The following HERC4 variants were observed in gnomAD, a reference collection of about 807,000 sequenced individuals.
The protein encoded by HERC4 is HECT and RLD domain containing E3 ubiquitin protein ligase 4, also known as probable E3 ubiquitin-protein ligase HERC4.
A neutral mutation model predicts 124.3 loss-of-function variants in HERC4; 28 were observed. That is an observed-to-expected ratio of 0.23 (90% CI 0.17 to 0.31). HERC4 has a LOEUF of 0.31. Among genes scored for constraint, HERC4 ranks in the 10% least tolerant of loss-of-function variants. The probability of loss-of-function intolerance (pLI) is 1.00; values close to 1 mark genes in which losing one functional copy is unlikely to be tolerated. For missense variants in HERC4, 713 were observed against 1,229.3 expected (o/e 0.58, Z 6.28); for synonymous variants, 407 against 421.5 (o/e 0.97, Z 0.42).
intron 7 of HERC4, among the ~76,000 whole-genome samples, chr10:68,026,913 C>T (rs1564564646): frequency 6.6e-6 from 1 of 151,916 alleles, no homozygotes; most frequent in African/African-American, 2.4e-5. Context: ...GAGGCAGAAT[C>T]GCTTGAACCC....
chr10:67,965,789 A>ATTAAATTACC, intron 16 of HERC4: 1 of 152,248 alleles, frequency 6.6e-6, no homozygotes, highest in South Asian at 2.1e-4. Context: ...CTGCACACAT[A>ATTAAATTACC]TTAAATTACC....
chr10:67,928,156 A>T (rs1165251495), intron 23 of HERC4, among the ~76,000 whole-genome samples: 1 of 152,136 alleles, frequency 6.6e-6, no homozygotes, highest in African/African-American at 2.4e-5. Context: ...TAGGCTCAGC[A>T]GAGGTTAATA....
rs185527521 is a variant in HERC4 at position 68,012,850 on chromosome 10, G to A, written c.1069+1176C>T. 9.2e-5 allele frequency among the ~76,000 whole-genome samples: 14 copies of A among 152,104 alleles called. No individual in the cohort carries two copies. In the East Asian group the frequency reaches 1.2e-3, roughly 13 times the overall value. ...AAGCTTATAAGCTTTAGTAATTCTCGCAATATTTCAATATTTTTCATTATT... is the reference window on the plus strand; with the variant it reads ...AAGCTTATAAGCTTTAGTAATTCTCACAATATTTCAATATTTTTCATTATT... On this transcript the variant is annotated intron_variant, in intron 9 of 24. Transcript: ENST00000373700.
intron 3 of HERC4, chr10:68,070,701 T>G (rs987210730): frequency 6.6e-6 from 1 of 152,136 alleles, no homozygotes; most frequent in Non-Finnish European, 1.5e-5. Context: ...AACTACTACT[T>G]TTTGAACTTG....
intron 18 of HERC4, 93 bp from the exon 19 acceptor site, chr10:67,954,831 T>C: frequency 2.5e-6 from 3 of 1,217,830 alleles, no homozygotes; most frequent in Non-Finnish European, 2.2e-6. Flanking sequence ...ACTAATACTC[T>C]ACAATTAATA....
At chr10:67,982,295 G>A (rs1203239932) in intron 15 of HERC4, among the ~76,000 whole-genome samples, 1 of 151,114 alleles carries the variant, frequency 6.6e-6, no homozygotes, top group Non-Finnish European at 1.5e-5. Flanking sequence ...GAACAAATTT[G>A]TTTCTAGAGA....
chr10:67,961,468 G>A (rs2034515000), intron 16 of HERC4: 1 of 152,264 alleles, frequency 6.6e-6, no homozygotes, highest in Admixed American at 6.5e-5. Flanking sequence ...CTTGCCAAAT[G>A]TCATGGTGCT....
At chr10:67,974,355 C>G (rs1413690203) in intron 15 of HERC4, among the ~76,000 whole-genome samples, 1 of 152,036 alleles carries the variant, frequency 6.6e-6, no homozygotes, top group Non-Finnish European at 1.5e-5. Flanking sequence ...ACCAAAGAAA[C>G]AAATAAAGTT....
chr10:68,020,868 A>G (rs948796667), intron 8 of HERC4, among the ~76,000 whole-genome samples: 1 of 152,038 alleles, frequency 6.6e-6, no homozygotes, highest in African/African-American at 2.4e-5. Flanking sequence ...CAGAAGAAAA[A>G]TCAGCAAACG....
At chr10:68,051,289 A>G (rs1260652640) in intron 3 of HERC4, among the ~76,000 whole-genome samples, 2 of 151,908 alleles carry the variant, frequency 1.3e-5, no homozygotes, top group African/African-American at 2.4e-5. Context: ...AAGGTATGTT[A>G]TTTAAAAATA....
At chr10:68,059,497 T>TATATATAAC (rs1295917507) in intron 3 of HERC4, among the ~76,000 whole-genome samples, 15 of 128,676 alleles carry the variant, frequency 1.2e-4, no homozygotes, top group African/African-American at 3.7e-4. Flanking sequence ...ATTATAACAT[T>TATATATAAC]ATATATTATA....
intron 5 of HERC4, among the ~76,000 whole-genome samples, chr10:68,035,100 T>C (rs925599395): frequency 6.6e-6 from 1 of 151,902 alleles, no homozygotes. Flanking sequence ...CACTTAAAAG[T>C]AAGCTTCCTT....
chr10:67,967,468 T>C (rs1158402685), intron 15 of HERC4, among the ~76,000 whole-genome samples: 1 of 152,190 alleles, frequency 6.6e-6, no homozygotes, highest in Non-Finnish European at 1.5e-5. Flanking sequence ...CAGCTAATGC[T>C]TGTTAAGTGT....
At chr10:67,976,414 A>T (rs1171642598) in intron 15 of HERC4, among the ~76,000 whole-genome samples, 1 of 152,158 alleles carries the variant, frequency 6.6e-6, no homozygotes, top group African/African-American at 2.4e-5. Context: ...CTGACCTCTG[A>T]TATATATTTT....
chr10:67,974,183 A>G (rs2035442930), intron 15 of HERC4, among the ~76,000 whole-genome samples: 1 of 151,706 alleles, frequency 6.6e-6, no homozygotes, highest in African/African-American at 2.4e-5. Context: ...AGGACTGTCA[A>G]GTTACTCGAG....
intron 19 of HERC4, among the ~76,000 whole-genome samples, chr10:67,950,570 C>G (rs182018916): frequency 4.5e-4 from 68 of 152,104 alleles, no homozygotes; most frequent in Non-Finnish European, 7.9e-4. Flanking sequence ...GCCACCACAC[C>G]CAGCCCTACA....
At chr10:67,936,298 T>C (rs1285321422) in intron 21 of HERC4, 63 bp from the exon 22 acceptor site, 15 of 918,768 alleles carry the variant, frequency 1.6e-5, no homozygotes, top group African/African-American at 3.4e-5. Flanking sequence ...AATCTATTAT[T>C]ATATTCTACC....
chr10:68,071,032 A>G (rs1228465795), intron 3 of HERC4, among the ~76,000 whole-genome samples: 4 of 152,148 alleles, frequency 2.6e-5, no homozygotes, highest in Non-Finnish European at 5.9e-5. Flanking sequence ...CCCAGACTCT[A>G]AATTTCTCAA....
chr10:68,025,435 G>T, intron 8 of HERC4, 111 bp downstream of exon 8: 1 of 1,206,792 alleles, frequency 8.3e-7, no homozygotes, highest in Non-Finnish European at 1.1e-6. Flanking sequence ...ATAGGTATTT[G>T]GGGGCAGAAT....
Sources: gnomAD v4.1 joint callset for allele counts (sites outside exome capture counted in the v4.1 genomes callset) on GRCh38, gnomAD v4.1.1 for gene constraint, MANE v1.5 for transcripts, NCBI Gene and HGNC (gene_info 2026-07-23, HGNC 2026-07-21) for gene names.